Variants in LOXHD1 observed in about 807,000 individuals in gnomAD.
LOXHD1 encodes lipoxygenase homology domain-containing protein 1.
Under a neutral mutation model 248.2 loss-of-function variants are expected in LOXHD1, and 205 were observed. That is an observed-to-expected ratio of 0.83 (90% CI 0.74 to 0.93). LOXHD1 has a LOEUF of 0.93. Ranked by LOEUF, LOXHD1 falls within the 40% of genes least tolerant of loss-of-function variation. The probability of loss-of-function intolerance (pLI) is 0.00; values close to 1 mark genes in which losing one functional copy is unlikely to be tolerated. For synonymous variants in LOXHD1, 1,113 were observed against 1,162.8 expected (o/e 0.96, Z 0.87); for missense variants, 2,930 against 2,971.6 (o/e 0.99, Z 0.33).
At chr18:46,605,417 C>CTCAGGAG (rs71162811) in intron 6 of LOXHD1, among the ~76,000 whole-genome samples, 1 of 151,856 alleles carries the variant, frequency 6.6e-6, no homozygotes, top group African/African-American at 2.4e-5. Flanking sequence ...GTCTCAGCTA[C>CTCAGGAG]GCAGGAGAAT....
intron 14 of LOXHD1, among the ~76,000 whole-genome samples, 164 bp downstream of exon 14, chr18:46,577,543 G>A (rs328166): frequency 6.6e-6 from 1 of 151,818 alleles, no homozygotes; most frequent in Admixed American, 6.5e-5. Context: ...GGGAATGTGA[G>A]GCTCAGGTCT....
At chr18:46,592,732 AT>A in intron 10 of LOXHD1, 148 bp from the exon 11 acceptor site, 1 of 681,214 alleles carries the variant, frequency 1.5e-6, no homozygotes, top group Non-Finnish European at 2.6e-6. Flanking sequence ...ACCCTCACAT[AT>A]TTTATCTTCT....
At chr18:46,563,017 T>C (rs922728188) in intron 18 of LOXHD1, 48 bp downstream of exon 18, 48 of 1,511,804 alleles carry the variant, frequency 3.2e-5, no homozygotes, top group Admixed American at 6.0e-5. Context: ...AGCATCTTGG[T>C]GTCCACTGAG....
chr18:46,642,478 G>A (rs1274774254), intron 2 of LOXHD1, among the ~76,000 whole-genome samples: 1 of 152,194 alleles, frequency 6.6e-6, no homozygotes, highest in Non-Finnish European at 1.5e-5. Context: ...TGCTTTTGCT[G>A]GGAAAAGTTG....
intron 10 of LOXHD1, among the ~76,000 whole-genome samples, chr18:46,593,142 G>A (rs1336916637): frequency 6.6e-6 from 1 of 151,274 alleles, no homozygotes; most frequent in South Asian, 2.1e-4. Flanking sequence ...CTTCCATTGG[G>A]GGAAAAAATC....
rs78022935 is a variant in LOXHD1, at chr18:46,512,051, T to C, written c.5400-2236A>G. Among the ~76,000 whole-genome samples the C allele has an allele frequency of 7.8e-3, 1,192 of 152,220 alleles. 19 individuals are homozygous for C. Among genetic ancestry groups the C allele is most frequent in the African/African-American group, 0.027 (1,102 of 41,518 alleles). On this transcript the variant is annotated intron_variant, in intron 34 of 40. Coordinates refer to ENST00000642948, the MANE Select transcript of LOXHD1 (RefSeq NM_001384474.1). ...CAAGCTAACTTTGGGAGACATTTAG[T>C]GTATAGTTTAAACGATAATAGCCCT...
At chr18:46,502,155 A>G (rs2034271505) in intron 37 of LOXHD1, among the ~76,000 whole-genome samples, 1 of 152,210 alleles carries the variant, frequency 6.6e-6, no homozygotes. Context: ...ATGTCCAGGA[A>G]ACTATGGAGT....
chr18:46,478,165 T>C (rs1372175866), intron 40 of LOXHD1, among the ~76,000 whole-genome samples: 1 of 152,232 alleles, frequency 6.6e-6, no homozygotes. Flanking sequence ...CAGTTGCTTC[T>C]TGATTCTTCT....
At chr18:46,483,851 A>G in intron 39 of LOXHD1, 106 bp from the exon 40 acceptor site, 1 of 1,337,426 alleles carries the variant, frequency 7.5e-7, no homozygotes, top group African/African-American at 1.4e-5. Flanking sequence ...GGGAACAGGG[A>G]TGGGATGGCA....
At chr18:46,527,383 A>G (rs2035873980) in intron 29 of LOXHD1, among the ~76,000 whole-genome samples, 1 of 152,224 alleles carries the variant, frequency 6.6e-6, no homozygotes, top group Admixed American at 6.5e-5. Context: ...CTTTCCCAAG[A>G]CTTGACAACA....
chr18:46,526,749 T>G (rs2035848488), intron 29 of LOXHD1, among the ~76,000 whole-genome samples: 1 of 152,184 alleles, frequency 6.6e-6, no homozygotes, highest in South Asian at 2.1e-4. Flanking sequence ...GTGGGTTGGA[T>G]GGCAGGGCCT....
intron 5 of LOXHD1, among the ~76,000 whole-genome samples, chr18:46,614,028 C>T (rs1476249815): frequency 6.6e-6 from 1 of 152,180 alleles, no homozygotes; most frequent in African/African-American, 2.4e-5. Flanking sequence ...GATACCATCT[C>T]ACACCAGTTA....
intron 13 of LOXHD1, among the ~76,000 whole-genome samples, chr18:46,579,004 CAG>C (rs1026904787): frequency 6.6e-6 from 1 of 152,254 alleles, no homozygotes; most frequent in African/African-American, 2.4e-5. Context: ...GCTGGGGAAA[CAG>C]GGGGAACACC....
At chr18:46,509,453 G>A (rs376185181) in intron 35 of LOXHD1, 7 of 523,096 alleles carry the variant, frequency 1.3e-5, no homozygotes, top group Admixed American at 8.8e-5. Context: ...CTCTGTCCAC[G>A]TAACGTTGAC....
chr18:46,626,366 T>C (rs984454183), intron 4 of LOXHD1, among the ~76,000 whole-genome samples: 3 of 152,140 alleles, frequency 2.0e-5, no homozygotes, highest in African/African-American at 7.2e-5. Context: ...GGTAAAACCC[T>C]GTCTCTAATA....
chr18:46,512,813 A>G (rs1396652896), intron 34 of LOXHD1, among the ~76,000 whole-genome samples: 2 of 152,198 alleles, frequency 1.3e-5, no homozygotes, highest in Non-Finnish European at 1.5e-5. Context: ...AAACCACTGG[A>G]TCTCTCTCTT....
At chr18:46,555,716 C>T (rs1398558490) in intron 21 of LOXHD1, among the ~76,000 whole-genome samples, 1 of 152,170 alleles carries the variant, frequency 6.6e-6, no homozygotes, top group Non-Finnish European at 1.5e-5. Flanking sequence ...TCTCCTTTCT[C>T]TTGCCCTTGG....
chr18:46,649,365 G>A (rs2039078190), intron 1 of LOXHD1, 96 bp from the exon 2 acceptor site: 17 of 1,035,160 alleles, frequency 1.6e-5, no homozygotes, highest in South Asian at 4.7e-5. Context: ...GGAGGCCCAA[G>A]CACAAAGGAC....
chr18:46,654,541 T>C (rs1240793200), intron 1 of LOXHD1, among the ~76,000 whole-genome samples: 5 of 152,222 alleles, frequency 3.3e-5, no homozygotes, highest in Non-Finnish European at 7.3e-5. Context: ...CTCAAAGCAT[T>C]GAGGGAGCTG....
Sources: allele counts gnomAD v4.1 joint callset (sites outside exome capture counted in the v4.1 genomes callset), GRCh38; gene constraint gnomAD v4.1.1; transcripts MANE v1.5; gene names NCBI Gene and HGNC (gene_info 2026-07-23, HGNC 2026-07-21).